Variants in TRPM6 observed in about 807,000 individuals in gnomAD.
TRPM6 encodes channel kinase 2.
Under a neutral mutation model 247.6 loss-of-function variants are expected in TRPM6, and 111 were observed. That is an observed-to-expected ratio of 0.45 (90% CI 0.38 to 0.52). TRPM6 has a LOEUF of 0.52. Ranked by LOEUF, TRPM6 falls within the 20% of genes least tolerant of loss-of-function variation. TRPM6 has a pLI of 0.00. For missense variants in TRPM6, 2,126 were observed against 2,421.5 expected, an observed-to-expected ratio of 0.88 and a Z score of 2.56; for synonymous variants, 892 against 853.8, an observed-to-expected ratio of 1.04 and a Z score of -0.78.
chr9:74,783,702 C>T (rs1033129076), intron 21 of TRPM6, among the ~76,000 whole-genome samples: 3 of 152,114 alleles, frequency 2.0e-5, no homozygotes, highest in Non-Finnish European at 4.4e-5. Context: ...CTCGGCATAG[C>T]CTATCTCATA....
chr9:74,737,707 T>A (rs1825739270), intron 36 of TRPM6, among the ~76,000 whole-genome samples: 1 of 152,184 alleles, frequency 6.6e-6, no homozygotes, highest in Non-Finnish European at 1.5e-5. Context: ...TAGGATTAAA[T>A]GAGGTAACTT....
intron 23 of TRPM6, among the ~76,000 whole-genome samples, chr9:74,779,549 C>A (rs1486469572): frequency 6.6e-6 from 1 of 152,110 alleles, no homozygotes; most frequent in African/African-American, 2.4e-5. Flanking sequence ...TTTTCCTCTT[C>A]AGTAAGATAA....
intron 9 of TRPM6, 122 bp from the exon 10 acceptor site, chr9:74,817,086 C>CT: frequency 4.2e-6 from 4 of 947,788 alleles, no homozygotes; most frequent in Non-Finnish European, 5.0e-6. Context: ...TCTTTAAAAC[C>CT]TTTTTTTACT....
intron 31 of TRPM6, among the ~76,000 whole-genome samples, chr9:74,745,463 G>A (rs898296532): frequency 8.3e-5 from 11 of 131,900 alleles, no homozygotes; most frequent in South Asian, 4.8e-4. Context: ...GTGTGTGTGC[G>A]TGTGTGTGTG....
chr9:74,873,739 C>T (rs1250015720), intron 1 of TRPM6, among the ~76,000 whole-genome samples: 1 of 151,768 alleles, frequency 6.6e-6, no homozygotes. Flanking sequence ...GATTTTTTAT[C>T]TTAACATTTA....
intron 21 of TRPM6, 122 bp from the exon 22 acceptor site, chr9:74,782,975 A>T: frequency 1.1e-6 from 1 of 946,252 alleles, no homozygotes; most frequent in East Asian, 2.5e-5. Context: ...ATTGACTAAA[A>T]CACCCTTGTG....
intron 5 of TRPM6, among the ~76,000 whole-genome samples, chr9:74,838,530 G>A (rs1179109278): frequency 6.6e-6 from 1 of 152,178 alleles, no homozygotes; most frequent in Non-Finnish European, 1.5e-5. Flanking sequence ...AAATGCTTAG[G>A]CAGATGCTCA....
intron 1 of TRPM6, among the ~76,000 whole-genome samples, chr9:74,884,480 C>A (rs1237978345): frequency 2.0e-5 from 3 of 150,342 alleles, no homozygotes; most frequent in Non-Finnish European, 4.4e-5. Context: ...CAGAGCGAGA[C>A]TCTGTCTCAA....
chr9:74,769,466 A>G (rs1472063158), intron 25 of TRPM6, among the ~76,000 whole-genome samples: 1 of 152,080 alleles, frequency 6.6e-6, no homozygotes, highest in Non-Finnish European at 1.5e-5. Flanking sequence ...CTATTTTACA[A>G]ATAAGAAAAC....
intron 1 of TRPM6, among the ~76,000 whole-genome samples, chr9:74,866,881 G>A (rs1416812599): frequency 1.3e-5 from 2 of 152,100 alleles, no homozygotes; most frequent in Non-Finnish European, 2.9e-5. Context: ...AAAGTATTTT[G>A]TTTATTTAAA....
In TRPM6 at chr9:74,782,690, C is replaced by G. The variant is rs1162670300; in HGVS notation, c.3083G>C (p.Gly1028Ala). Residue 1028 changes from glycine to alanine, a missense_variant, in exon 22 of 39, where the codon GGA becomes GCA. Physicochemically the swap from Gly to Ala is moderately conservative, Grantham distance 60. Around this residue, in one of 3 missense-constraint regions of TRPM6, gnomAD observed 1,082 missense variants for 1,307.9 expected, o/e 0.83. Coordinates refer to ENST00000360774, the MANE Select transcript of TRPM6 (RefSeq NM_017662.5). Reference sequence around the variant, plus strand: ...AATCCCATACACACCATCTATTTCTCCAGCATAGACTTCTCCGTATATCAT... The same window carrying G: ...AATCCCATACACACCATCTATTTCTGCAGCATAGACTTCTCCGTATATCAT... Reference protein sequence around the residue: ...YWMIYGEVYAGEIDVCSSQPS... With the variant: ...YWMIYGEVYAAEIDVCSSQPS... 6.2e-7 allele frequency: 1 copy of G among 1,614,062 alleles called. No individual in the cohort carries two copies. The highest frequency in any genetic ancestry group is 1.3e-5 in the African/African-American group (1 of 74,924).
At chr9:74,744,204 A>G (rs1483751194) in intron 31 of TRPM6, 59 bp from the exon 32 acceptor site, 5 of 1,527,934 alleles carry the variant, frequency 3.3e-6, no homozygotes, top group African/African-American at 2.7e-5. Flanking sequence ...ATACATGTTT[A>G]TGAATATATT....
chr9:74,822,432 A>C lies in TRPM6; in HGVS notation c.842-595T>G, dbSNP rs547202231. Among the ~76,000 whole-genome samples, 8 of 139,038 alleles carry C rather than the reference A, an allele frequency of 5.8e-5. No individual in the cohort carries two copies. In the South Asian group the frequency reaches 1.6e-3, roughly 29 times the overall value. The allele number at this position is 139,038 out of a possible 152,430, so 91.2% of individuals were successfully genotyped here. ...ACCTAGCTTTTTTTTTTTTTCAGTT[A>C]TTTGTAGAGATGGGGTCTCCCTATG... On this transcript the variant is annotated intron_variant, in intron 7 of 38. Transcript: ENST00000360774.
At chr9:74,805,547 CAT>C (rs1383069103) in intron 14 of TRPM6, among the ~76,000 whole-genome samples, 1 of 152,190 alleles carries the variant, frequency 6.6e-6, no homozygotes, top group Non-Finnish European at 1.5e-5. Flanking sequence ...GCTTAAGTAA[CAT>C]GTCTCAGAAT....
intron 6 of TRPM6, among the ~76,000 whole-genome samples, chr9:74,831,235 T>C (rs1829536165): frequency 6.6e-6 from 1 of 152,160 alleles, no homozygotes. Context: ...CTCCCGCCTG[T>C]AATCCCAGCA....
chr9:74,870,941 A>G (rs972972801), intron 1 of TRPM6, among the ~76,000 whole-genome samples: 5 of 152,176 alleles, frequency 3.3e-5, no homozygotes, highest in Non-Finnish European at 1.5e-5. Context: ...TCAAAAAAAA[A>G]GAAAAGAAAA....
intron 20 of TRPM6, among the ~76,000 whole-genome samples, chr9:74,786,563 A>AC (rs568822908): frequency 5.7e-4 from 87 of 151,800 alleles, no homozygotes; most frequent in African/African-American, 2.0e-3. Flanking sequence ...AAACGGTGAA[A>AC]CCCCATCTCT....
At chr9:74,794,707 C>T (rs1476565748) in intron 18 of TRPM6, among the ~76,000 whole-genome samples, 3 of 152,044 alleles carry the variant, frequency 2.0e-5, no homozygotes, top group Middle Eastern at 3.2e-3. Flanking sequence ...TTATAAAGTG[C>T]TGATCGGGCC....
chr9:74,869,289 T>A (rs1830951848), intron 1 of TRPM6, among the ~76,000 whole-genome samples: 1 of 151,522 alleles, frequency 6.6e-6, no homozygotes, highest in East Asian at 1.9e-4. Flanking sequence ...ACTAACATGG[T>A]GAAACCCCGT....
Sources: gnomAD v4.1 joint callset for allele counts (sites outside exome capture counted in the v4.1 genomes callset) on GRCh38, gnomAD v4.1.1 for gene constraint, gnomAD v4.1.1 regional missense constraint, MANE v1.5 for transcripts, NCBI Gene and HGNC (gene_info 2026-07-23, HGNC 2026-07-21) for gene names.